Variants in GTF2E2 observed in about 807,000 individuals in gnomAD.
The protein encoded by GTF2E2 is transcription initiation factor IIE subunit beta.
Under a neutral mutation model 40.5 loss-of-function variants are expected in GTF2E2, and 21 were observed. The observed-to-expected ratio is 0.52, with a 90% CI of 0.37 to 0.75. GTF2E2 has a LOEUF of 0.75. GTF2E2 is among the 30% of genes least tolerant of loss of function. GTF2E2 has a pLI of 0.00. For missense variants in GTF2E2, 298 were observed against 338.4 expected (o/e 0.88, Z 0.94); for synonymous variants, 117 against 121.6 (o/e 0.96, Z 0.25).
At chr8:30,656,357 T>C (rs1205209960) in intron 1 of GTF2E2, among the ~76,000 whole-genome samples, 2 of 152,100 alleles carry the variant, frequency 1.3e-5, no homozygotes, top group Admixed American at 6.6e-5. Flanking sequence ...GGAGACAGCC[T>C]TGGGAGGAGG....
At chr8:30,637,950 TAACTA>T (rs1223886367) in intron 2 of GTF2E2, among the ~76,000 whole-genome samples, 1 of 152,228 alleles carries the variant, frequency 6.6e-6, no homozygotes, top group Non-Finnish European at 1.5e-5. Context: ...TAATACACAG[TAACTA>T]AAAATACTCT....
At chr8:30,584,437 C>T (rs1828614506) in intron 6 of GTF2E2, 1 of 152,150 alleles carries the variant, frequency 6.6e-6, no homozygotes, top group African/African-American at 2.4e-5. Flanking sequence ...TAAAGGCAGA[C>T]ACTTTATTAT....
intron 4 of GTF2E2, among the ~76,000 whole-genome samples, chr8:30,613,568 G>T (rs1800804524): frequency 6.6e-6 from 1 of 152,208 alleles, no homozygotes; most frequent in Non-Finnish European, 1.5e-5. Flanking sequence ...TTAACTAAAT[G>T]TTGGTAGTCT....
intron 6 of GTF2E2, among the ~76,000 whole-genome samples, chr8:30,600,434 T>A (rs1002236069): frequency 6.6e-6 from 1 of 152,200 alleles, no homozygotes; most frequent in African/African-American, 2.4e-5. Context: ...GCACTTTTAT[T>A]TATATTCACT....
chr8:30,596,470 C>T (rs2151116101), intron 6 of GTF2E2, among the ~76,000 whole-genome samples: 1 of 152,280 alleles, frequency 6.6e-6, no homozygotes, highest in South Asian at 2.1e-4. Flanking sequence ...GTGTCTATCT[C>T]TCTGCTGAAA....
At chr8:30,654,621 T>C (rs777267624) in intron 1 of GTF2E2, among the ~76,000 whole-genome samples, 2 of 151,974 alleles carry the variant, frequency 1.3e-5, no homozygotes, top group Non-Finnish European at 2.9e-5. Context: ...CCCAGGCTGG[T>C]CTTGAACTCC....
At chr8:30,592,507 A>G (rs1210455543) in intron 6 of GTF2E2, among the ~76,000 whole-genome samples, 2 of 152,182 alleles carry the variant, frequency 1.3e-5, no homozygotes, top group Non-Finnish European at 2.9e-5. Context: ...TTTGGTATCC[A>G]TGGGGGATTG....
intron 6 of GTF2E2, among the ~76,000 whole-genome samples, chr8:30,600,016 T>C (rs1351897016): frequency 6.6e-6 from 1 of 152,030 alleles, no homozygotes; most frequent in African/African-American, 2.4e-5. Context: ...TCTAAAACAG[T>C]ATGAGAGCCC....
chr8:30,637,200 A>C, intron 2 of GTF2E2: 1 of 453,136 alleles, frequency 2.2e-6, no homozygotes, highest in Non-Finnish European at 4.4e-6. Flanking sequence ...GAAATCTGTG[A>C]CTGCACATTT....
chr8:30,641,124 G>A (rs1236338797), intron 2 of GTF2E2, among the ~76,000 whole-genome samples: 1 of 152,078 alleles, frequency 6.6e-6, no homozygotes. Flanking sequence ...AATTTAAGGT[G>A]GAAAATGACT....
Position 30,614,354 on chromosome 8 carries a change from CG to C in GTF2E2, c.366+253del, listed in dbSNP as rs572070074. Among the ~76,000 whole-genome samples, 6 of 152,100 alleles carry C rather than the reference CG, an allele frequency of 3.9e-5. No homozygotes were observed. In the South Asian group the frequency reaches 8.3e-4, roughly 21 times the overall value. On this transcript the variant is annotated intron_variant, in intron 4 of 7. Transcript: ENST00000355904. The stretch of plus-strand genomic sequence containing the variant: ...CAGCACTCTGGGAGGCCGAGGTGGG[CG>C]GATCACTTGAGGTCAGGAGTTCAAC...
At chr8:30,635,618 A>T (rs1801574759) in intron 2 of GTF2E2, among the ~76,000 whole-genome samples, 1 of 152,026 alleles carries the variant, frequency 6.6e-6, no homozygotes, top group Non-Finnish European at 1.5e-5. Flanking sequence ...CCTGGACTCA[A>T]GAGATTCACC....
intron 6 of GTF2E2, among the ~76,000 whole-genome samples, chr8:30,582,784 C>T (rs559271319): frequency 4.7e-4 from 72 of 152,328 alleles, no homozygotes; most frequent in African/African-American, 1.6e-3. Flanking sequence ...TACATAGTGT[C>T]AACATGGACC....
chr8:30,592,910 T>C (rs188884205), intron 6 of GTF2E2, among the ~76,000 whole-genome samples: 132 of 152,214 alleles, frequency 8.7e-4, no homozygotes, highest in Admixed American at 7.2e-4. Flanking sequence ...CTTGAAAACA[T>C]ACACACAGGG....
At chr8:30,617,314 T>C (rs1323919786) in intron 3 of GTF2E2, among the ~76,000 whole-genome samples, 2 of 152,210 alleles carry the variant, frequency 1.3e-5, no homozygotes, top group Admixed American at 6.5e-5. Flanking sequence ...CATTCACTTA[T>C]TCATTCAAAT....
chr8:30,621,623 G>T (rs540784131), intron 3 of GTF2E2, among the ~76,000 whole-genome samples: 1 of 152,028 alleles, frequency 6.6e-6, no homozygotes, highest in Non-Finnish European at 1.5e-5. Flanking sequence ...GCTGCCTTTC[G>T]TACTTTGTTT....
chr8:30,586,832 T>C (rs1360040305), intron 6 of GTF2E2, among the ~76,000 whole-genome samples: 1 of 152,168 alleles, frequency 6.6e-6, no homozygotes, highest in African/African-American at 2.4e-5. Flanking sequence ...GAGGCCACTG[T>C]CTCACACCAT....
At chr8:30,620,632 A>G (rs575476035) in intron 3 of GTF2E2, among the ~76,000 whole-genome samples, 2 of 152,184 alleles carry the variant, frequency 1.3e-5, no homozygotes, top group Admixed American at 6.5e-5. Flanking sequence ...AATTTTAATA[A>G]GAGTTAGCCG....
chr8:30,587,619 T>C (rs1294942825), intron 6 of GTF2E2, among the ~76,000 whole-genome samples: 2 of 151,966 alleles, frequency 1.3e-5, no homozygotes, highest in African/African-American at 2.4e-5. Flanking sequence ...ATGCCTATAA[T>C]CCCAGCACTT....
Sources: allele counts gnomAD v4.1 joint callset (sites outside exome capture counted in the v4.1 genomes callset), GRCh38; gene constraint gnomAD v4.1.1; transcripts MANE v1.5; gene names NCBI Gene and HGNC (gene_info 2026-07-23, HGNC 2026-07-21).